NAALADL2: variants seen among roughly 807,000 people sequenced by gnomAD.
NAALADL2 encodes the protein N-acetylated alpha-linked acidic dipeptidase like 2, also known as inactive N-acetylated-alpha-linked acidic dipeptidase-like protein 2.
NAALADL2 carries 76 observed loss-of-function variants against 87.2 expected under a neutral mutation model. The ratio of observed to expected loss-of-function variants is 0.87; its 90% CI spans 0.72 to 1.05. NAALADL2 has a LOEUF of 1.05. Ranked by LOEUF, NAALADL2 falls within the 50% of genes least tolerant of loss-of-function variation. The probability of loss-of-function intolerance (pLI) is 0.00; values close to 1 mark genes in which losing one functional copy is unlikely to be tolerated. For synonymous variants in NAALADL2, 354 were observed against 331.0 expected (o/e 1.07, Z -0.75); for missense variants, 1,089 against 945.8 (o/e 1.15, Z -1.99).
chr3:174,763,506 G>A (rs1018815400), intron 3 of NAALADL2, among the ~76,000 whole-genome samples: 7 of 142,402 alleles, frequency 4.9e-5, no homozygotes, highest in African/African-American at 1.9e-4. Context: ...AGAATCGCTT[G>A]AACCCAGAAG....
At chr3:174,993,825 G>A (rs531175666) in intron 1 of NAALADL2, among the ~76,000 whole-genome samples, 2 of 152,262 alleles carry the variant, frequency 1.3e-5, no homozygotes, top group East Asian at 3.9e-4. Context: ...GTGTTCACAG[G>A]TCCATGCTCT....
chr3:174,830,958 G>T (rs1456257205), intron 3 of NAALADL2, among the ~76,000 whole-genome samples: 2 of 150,190 alleles, frequency 1.3e-5, no homozygotes, highest in South Asian at 2.1e-4. Flanking sequence ...CATTGATTTT[G>T]TATCCTGAGA....
At chr3:175,119,555 G>A (rs1333092954) in intron 2 of NAALADL2, among the ~76,000 whole-genome samples, 2 of 150,718 alleles carry the variant, frequency 1.3e-5, no homozygotes, top group African/African-American at 4.9e-5. Context: ...AGAAGAGGAG[G>A]TAAGGAAAGG....
At chr3:175,795,823 A>G (rs1041777464) in intron 13 of NAALADL2, among the ~76,000 whole-genome samples, 2 of 151,688 alleles carry the variant, frequency 1.3e-5, no homozygotes, top group Non-Finnish European at 2.9e-5. Flanking sequence ...AAAAATAACT[A>G]TTTTTTCTGT....
At chr3:174,797,326 TTTTG>T (rs1718256232) in intron 3 of NAALADL2, among the ~76,000 whole-genome samples, 1 of 140,488 alleles carries the variant, frequency 7.1e-6, no homozygotes, top group Non-Finnish European at 1.5e-5. Flanking sequence ...TTTTTTTTTT[TTTTG>T]AGACAGAGTC....
chr3:175,478,103 G>C (rs977975340), intron 9 of NAALADL2, among the ~76,000 whole-genome samples: 2 of 151,952 alleles, frequency 1.3e-5, no homozygotes, highest in African/African-American at 4.8e-5. Context: ...ACATGACATA[G>C]ATTTTTTTGG....
In NAALADL2 at chr3:174,888,498, C is replaced by A. The variant is rs1312244238; in HGVS notation, c.43+29048C>A. Among the ~76,000 whole-genome samples the A allele has an allele frequency of 2.0e-5, 3 of 152,320 alleles. No individual in the cohort carries two copies. The East Asian group carries it at 5.8e-4, about 29-fold the overall frequency. On this transcript the variant is annotated intron_variant, in intron 1 of 13. Coordinates refer to ENST00000454872, the MANE Select transcript of NAALADL2 (RefSeq NM_207015.3). ...ATCAAATACTTTCCATCTGCTGCTT[C>A]TAAAGTTGCTCTTCAATAGTTTTTA...
At chr3:174,812,550 TATAAAAA>T (rs969586654) in intron 3 of NAALADL2, among the ~76,000 whole-genome samples, 4 of 152,186 alleles carry the variant, frequency 2.6e-5, no homozygotes, top group Admixed American at 2.6e-4. Flanking sequence ...TTCTTCTACT[TATAAAAA>T]ATAAAAAACA....
At chr3:175,259,746 T>C (rs1750687810) in intron 4 of NAALADL2, among the ~76,000 whole-genome samples, 1 of 152,252 alleles carries the variant, frequency 6.6e-6, no homozygotes, top group Non-Finnish European at 1.5e-5. Context: ...ACAGCAATTA[T>C]AATTTTTTCT....
chr3:175,336,715 G>C (rs547014312), intron 5 of NAALADL2, among the ~76,000 whole-genome samples: 1 of 152,130 alleles, frequency 6.6e-6, no homozygotes, highest in Non-Finnish European at 1.5e-5. Flanking sequence ...GTATAGTCTA[G>C]AGTCTGGAAA....
At chr3:175,591,749 A>T (rs576535467) in intron 10 of NAALADL2, among the ~76,000 whole-genome samples, 1 of 148,502 alleles carries the variant, frequency 6.7e-6, no homozygotes, top group East Asian at 2.0e-4. Context: ...AGAAATATAT[A>T]TTTATATATG....
rs75953519 is a variant in NAALADL2 at position 175,210,626 on chromosome 3, C to G, written c.546-23305C>G. 6.3e-3 allele frequency among the ~76,000 whole-genome samples: 952 copies of G among 150,572 alleles called. 7 individuals are homozygous for G. Among genetic ancestry groups the G allele is most frequent in the African/African-American group, 0.02 (830 of 41,146 alleles). On this transcript the variant is annotated intron_variant, in intron 2 of 13. Coordinates refer to ENST00000454872, the MANE Select transcript of NAALADL2 (RefSeq NM_207015.3). ...TGTGGTAGGCAGGAGGAAGGTAAAG[C>G]AAGCAAAAGAGAAAAGAAGAAGAAA...
In NAALADL2 at chr3:175,807,339, G is replaced by T. The variant is rs1205661571; in HGVS notation, c.*4136G>T. On this transcript the variant is annotated 3_prime_UTR_variant, in exon 14 of 14. Transcript: ENST00000454872. ...AGATGTTAACAAAAATAAAATAAATGATTATTTGTGACCATGTTACTAATG... is the reference window on the plus strand; with the variant it reads ...AGATGTTAACAAAAATAAAATAAATTATTATTTGTGACCATGTTACTAATG... 26 of 151,854 alleles carry T rather than the reference G, an allele frequency of 1.7e-4. 1 individual carries two copies. In the Admixed American group the frequency reaches 1.7e-3, roughly 10 times the overall value. The allele number at this position is 151,854 out of a possible 1,614,324, so 9.4% of individuals were successfully genotyped here.
chr3:174,739,912 A>G (rs1733606239), intron 3 of NAALADL2, among the ~76,000 whole-genome samples: 1 of 152,090 alleles, frequency 6.6e-6, no homozygotes, highest in Non-Finnish European at 1.5e-5. Flanking sequence ...CACACTGTGG[A>G]AAATAACAAT....
intron 1 of NAALADL2, among the ~76,000 whole-genome samples, chr3:174,964,151 T>C (rs974787036): frequency 6.6e-6 from 1 of 152,108 alleles, no homozygotes. Flanking sequence ...TAGTTATTCA[T>C]TTACAAAAAT....
chr3:174,708,527 C>T (rs866051439), intron 2 of NAALADL2, among the ~76,000 whole-genome samples: 1 of 152,040 alleles, frequency 6.6e-6, no homozygotes, highest in Non-Finnish European at 1.5e-5. Context: ...TCGTTAGGGA[C>T]CATTATGTTT....
At chr3:175,300,800 T>TTATTG (rs1756989007) in intron 4 of NAALADL2, among the ~76,000 whole-genome samples, 2 of 150,870 alleles carry the variant, frequency 1.3e-5, no homozygotes, top group South Asian at 4.2e-4. Flanking sequence ...TTATTTTATT[T>TTATTG]TATTTATTTT....
At chr3:175,150,169 T>G (rs1731339634) in intron 2 of NAALADL2, among the ~76,000 whole-genome samples, 1 of 152,178 alleles carries the variant, frequency 6.6e-6, no homozygotes, top group Non-Finnish European at 1.5e-5. Flanking sequence ...ACAATAGGTT[T>G]CAAAAGAGCA....
intron 5 of NAALADL2, among the ~76,000 whole-genome samples, chr3:175,441,988 T>A (rs1419248226): frequency 2.6e-5 from 4 of 152,082 alleles, no homozygotes; most frequent in Non-Finnish European, 2.9e-5. Context: ...TTTGCCCAGA[T>A]TAGAGTGCAG....
Sources: allele counts gnomAD v4.1 joint callset (sites outside exome capture counted in the v4.1 genomes callset), GRCh38; gene constraint gnomAD v4.1.1; transcripts MANE v1.5; gene names NCBI Gene and HGNC (gene_info 2026-07-23, HGNC 2026-07-21).